The following SHPRH variants were observed in gnomAD, a reference collection of about 807,000 sequenced individuals.
The protein encoded by SHPRH is E3 ubiquitin-protein ligase SHPRH.
In SHPRH, 106 loss-of-function variants were observed where a neutral mutation model predicts 202.5. The observed-to-expected ratio is 0.52, with a 90% CI of 0.45 to 0.62. The LOEUF (loss-of-function observed/expected upper bound fraction) is 0.62, where lower values mean the gene tolerates loss of function less well. Ranked by LOEUF, SHPRH falls within the 20% of genes least tolerant of loss-of-function variation. SHPRH has a pLI of 0.00. For synonymous variants in SHPRH, 729 were observed against 686.0 expected (o/e 1.06, Z -0.98); for missense variants, 1,710 against 2,020.0 (o/e 0.85, Z 2.94).
chr6:145,905,724 G>C (rs1047027028), intron 25 of SHPRH: 13 of 151,886 alleles, frequency 8.6e-5, no homozygotes. Context: ...ATCTATGGTT[G>C]GCTATATCCA....
At chr6:145,924,625 G>A (rs1427392433) in intron 17 of SHPRH, 114 bp downstream of exon 17, 2 of 777,832 alleles carry the variant, frequency 2.6e-6, no homozygotes, top group East Asian at 5.2e-5. Flanking sequence ...AATGTGCTAG[G>A]TGCTAAGGAT....
At chr6:145,934,100 A>T (rs889765114) in intron 13 of SHPRH, among the ~76,000 whole-genome samples, 1 of 152,128 alleles carries the variant, frequency 6.6e-6, no homozygotes, top group Non-Finnish European at 1.5e-5. Flanking sequence ...ACAGTTTGAG[A>T]GGGTGAGACA....
intron 15 of SHPRH, among the ~76,000 whole-genome samples, chr6:145,926,891 A>G (rs1784931573): frequency 6.6e-6 from 1 of 151,992 alleles, no homozygotes; most frequent in Non-Finnish European, 1.5e-5. Flanking sequence ...TCATATGTCA[A>G]AGTGATAAAA....
rs765239869 is a variant in SHPRH, at chr6:145,945,360, G to A, written c.1578+21C>T. 1.6e-5 allele frequency: 26 copies of A among 1,596,564 alleles called. 1 individual carries two copies. The Admixed American group carries it at 4.0e-4, about 25-fold the overall frequency. On this transcript the variant is annotated intron_variant, in intron 8 of 29. Coordinates refer to ENST00000275233, the MANE Select transcript of SHPRH (RefSeq NM_001042683.3). ...ATCACATACGTGTACTTAATATAGAGCTGAACTTAAGCTCTGTTACCTGCT... is the reference window on the plus strand; with the variant it reads ...ATCACATACGTGTACTTAATATAGAACTGAACTTAAGCTCTGTTACCTGCT...
At chr6:145,888,645 C>T (rs377658870) in intron 28 of SHPRH, among the ~76,000 whole-genome samples, 8 of 152,078 alleles carry the variant, frequency 5.3e-5, no homozygotes, top group South Asian at 2.1e-4. Context: ...AATGGGAAGC[C>T]CTTGGTGGGT....
intron 13 of SHPRH, among the ~76,000 whole-genome samples, chr6:145,933,636 C>CT (rs1006707704): frequency 1.3e-5 from 2 of 152,194 alleles, no homozygotes; most frequent in Non-Finnish European, 2.9e-5. Flanking sequence ...TTTTCGGACT[C>CT]TAACTGTACA....
chr6:145,955,189 G>A lies in SHPRH; in HGVS notation c.134C>T (p.Pro45Leu). 1 of 1,613,670 alleles carries A rather than the reference G, an allele frequency of 6.2e-7. No homozygotes were observed. The highest frequency in any genetic ancestry group is 8.5e-7 in the Non-Finnish European group (1 of 1,179,914). The change falls in exon 2 of 30, where the codon CCA becomes CTA. Residue 45 changes from proline (P) to leucine (L), a missense_variant. Pro to Leu is a moderately conservative substitution (Grantham distance 98). Around this residue, in one of 8 missense-constraint regions of SHPRH, gnomAD observed 459 missense variants for 426.5 expected, o/e 1.08. Coordinates refer to ENST00000275233, the MANE Select transcript of SHPRH (RefSeq NM_001042683.3). Reference protein sequence around the residue: ...IISDDDEQPCPGSDTSSAHYI... With the variant: ...IISDDDEQPCLGSDTSSAHYI... ...ATGAGCAGAAGAGGTATCTGAACCT[G>A]GGCAGGGCTGCTCGTCATCATCACT...
chr6:145,888,469 C>T (rs1415159552), intron 28 of SHPRH, among the ~76,000 whole-genome samples: 1 of 152,056 alleles, frequency 6.6e-6, no homozygotes, highest in African/African-American at 2.4e-5. Context: ...GGGAATATGC[C>T]TGGAACAAGC....
intron 14 of SHPRH, among the ~76,000 whole-genome samples, chr6:145,930,532 G>A (rs1021101734): frequency 1.3e-5 from 2 of 151,962 alleles, no homozygotes; most frequent in Non-Finnish European, 2.9e-5. Context: ...CAGCATTTGC[G>A]GACTTTCCAG....
At chr6:145,920,134 C>T (rs575869511) in intron 21 of SHPRH, among the ~76,000 whole-genome samples, 10 of 152,118 alleles carry the variant, frequency 6.6e-5, no homozygotes, top group Non-Finnish European at 1.3e-4. Flanking sequence ...GCTCTCTTCA[C>T]TGACTTTACA....
At chr6:145,883,989 G>A (rs1194125367), downstream of SHPRH, 1 of 152,136 alleles carries the variant, frequency 6.6e-6, no homozygotes, top group Non-Finnish European at 1.5e-5. Flanking sequence ...TTTAATAAAC[G>A]TAAATAACTT....
intron 26 of SHPRH, among the ~76,000 whole-genome samples, chr6:145,894,562 ATAAAG>A (rs931807539): frequency 6.6e-6 from 1 of 152,010 alleles, no homozygotes; most frequent in Non-Finnish European, 1.5e-5. Context: ...TCAACACTTT[ATAAAG>A]TAGATTGTCT....
downstream of SHPRH, among the ~76,000 whole-genome samples, chr6:145,882,066 A>C (rs1583279150): frequency 1.3e-5 from 2 of 149,908 alleles, no homozygotes; most frequent in Admixed American, 1.3e-4. Flanking sequence ...ACTACACTTC[A>C]CCCTGGGTAA....
chr6:145,858,140 T>C, the SHPRH span, among the ~76,000 whole-genome samples: 2 of 152,084 alleles, frequency 1.3e-5, no homozygotes, highest in Non-Finnish European at 2.9e-5. Flanking sequence ...GGTATGGAGT[T>C]TGGAAAACAG....
At chr6:145,874,072 C>T (rs890597920) in intron 2 of SHPRH, among the ~76,000 whole-genome samples, 4 of 152,120 alleles carry the variant, frequency 2.6e-5, no homozygotes, top group African/African-American at 9.6e-5. Flanking sequence ...GTGGAGCAAG[C>T]CTGTAATCCC....
At chr6:145,898,042 G>C (rs577857231) in intron 25 of SHPRH, among the ~76,000 whole-genome samples, 1 of 152,134 alleles carries the variant, frequency 6.6e-6, no homozygotes, top group East Asian at 1.9e-4. Flanking sequence ...AGAAATAAAA[G>C]GCATTCAAAT....
intron 17 of SHPRH, 39 bp downstream of exon 17, chr6:145,924,700 G>A (rs773169579): frequency 2.6e-6 from 4 of 1,568,434 alleles, no homozygotes; most frequent in Non-Finnish European, 3.5e-6. Flanking sequence ...ATGATATCTG[G>A]AGGCAAATAC....
At chr6:145,874,209 A>AAAT (rs58669613) in intron 2 of SHPRH, among the ~76,000 whole-genome samples, 23,302 of 147,736 alleles carry the variant, frequency 0.16, 2,744 homozygotes, top group African/African-American at 0.34. Flanking sequence ...AAAAATAATA[A>AAAT]AATAATAATA....
chr6:145,945,875 C>T lies in SHPRH; in HGVS notation c.1322-238G>A, dbSNP rs369003786. Reference sequence around the variant, plus strand: ...AATTACTCATATTGAATTGTTAATACTATAAAACAATCATTCAAAATTATA... The same window carrying T: ...AATTACTCATATTGAATTGTTAATATTATAAAACAATCATTCAAAATTATA... On this transcript the variant is annotated intron_variant, in intron 7 of 29. Coordinates refer to ENST00000275233, the MANE Select transcript of SHPRH (RefSeq NM_001042683.3). Among the ~76,000 whole-genome samples the T allele has an allele frequency of 8.0e-4, 122 of 152,076 alleles. 2 individuals are homozygous for T. The South Asian group carries it at 0.014, about 18-fold the overall frequency.
Sources: allele counts gnomAD v4.1 joint callset (sites outside exome capture counted in the v4.1 genomes callset), GRCh38; gene constraint gnomAD v4.1.1; regional missense constraint gnomAD v4.1.1; transcripts MANE v1.5; gene names NCBI Gene and HGNC (gene_info 2026-07-23, HGNC 2026-07-21).